Variants in GRM7 observed in about 807,000 individuals in gnomAD.
The protein encoded by GRM7 is glutamate metabotropic receptor 7, also known as metabotropic glutamate receptor 7.
A neutral mutation model predicts 84.5 loss-of-function variants in GRM7; 35 were observed. The ratio of observed to expected loss-of-function variants is 0.41; its 90% CI spans 0.32 to 0.55. GRM7 has a LOEUF of 0.55. Among genes scored for constraint, GRM7 ranks in the 20% least tolerant of loss-of-function variants. The pLI is 0.19. For missense variants in GRM7, 1,003 were observed against 1,194.6 expected (o/e 0.84, Z 2.36); for synonymous variants, 487 against 455.1 (o/e 1.07, Z -0.89).
intron 2 of GRM7, among the ~76,000 whole-genome samples, chr3:7,260,945 T>A (rs1397070226): frequency 1.3e-5 from 2 of 152,204 alleles, no homozygotes; most frequent in African/African-American, 4.8e-5. Context: ...TTCAAAGAAC[T>A]TCTTGATTTA....
In GRM7 at chr3:7,356,241, T is replaced by C. The variant is rs2088615; in HGVS notation, c.1033+49589T>C. On this transcript the variant is annotated intron_variant, in intron 4 of 9. Coordinates refer to ENST00000357716, the MANE Select transcript of GRM7 (RefSeq NM_000844.4). ...GACTTCTCTGAGTGGGCAAAAGATG[T>C]GAAGGTATTTGCGTCCACATGAATG... is the stretch of plus-strand genomic sequence containing the variant. Among the ~76,000 whole-genome samples, 222 of 152,058 alleles carry C rather than the reference T, an allele frequency of 1.5e-3. 3 individuals are homozygous for C. In the East Asian group the frequency reaches 0.036, roughly 25 times the overall value.
intron 2 of GRM7, among the ~76,000 whole-genome samples, chr3:7,208,287 A>C (rs1159385899): frequency 1.4e-5 from 2 of 147,912 alleles, no homozygotes; most frequent in East Asian, 1.9e-4. Flanking sequence ...CACTGACCTC[A>C]ATGTCTTCCT....
In GRM7 at chr3:6,862,660, C is replaced by G. The variant is rs1574937816; in HGVS notation, c.519+753C>G. 4.1e-6 allele frequency: 1 copy of G among 242,240 alleles called. No individual in the cohort carries two copies. The highest frequency in any genetic ancestry group is 5.7e-5 in the Admixed American group (1 of 17,448). The allele number at this position is 242,240 out of a possible 1,614,324, so 15.0% of individuals were successfully genotyped here. On this transcript the variant is annotated intron_variant, in intron 1 of 9. Coordinates refer to ENST00000357716, the MANE Select transcript of GRM7 (RefSeq NM_000844.4). This position sits in a 1 kb window ranked among gnomAD's most constrained non-coding sequence, Gnocchi z 5.2. ...GATCAGCTTTCCACTCCTGCCACTT[C>G]AGACCTCAGCCCAGGGATGAGCTCA...
At chr3:6,878,512 G>C (rs1695396163) in intron 1 of GRM7, among the ~76,000 whole-genome samples, 1 of 149,576 alleles carries the variant, frequency 6.7e-6, no homozygotes, top group African/African-American at 2.5e-5. Flanking sequence ...TGGGACTGCA[G>C]CATGCACTAG....
intron 4 of GRM7, among the ~76,000 whole-genome samples, chr3:7,334,272 A>G (rs770311081): frequency 2.0e-5 from 3 of 152,262 alleles, no homozygotes; most frequent in Non-Finnish European, 4.4e-5. Flanking sequence ...AAACCCTCCA[A>G]GCAGGAAGGG....
chr3:7,558,140 C>G (rs1693856197), intron 7 of GRM7, among the ~76,000 whole-genome samples: 1 of 152,038 alleles, frequency 6.6e-6, no homozygotes, highest in South Asian at 2.1e-4. Flanking sequence ...CAATGTATCT[C>G]TTGAAATCTT....
chr3:7,692,442 A>C (rs1295563469), intron 9 of GRM7, among the ~76,000 whole-genome samples: 1 of 152,134 alleles, frequency 6.6e-6, no homozygotes, highest in Non-Finnish European at 1.5e-5. Flanking sequence ...CAATTAACAA[A>C]ACTTCTCAGA....
chr3:7,267,043 C>G (rs1698668231), intron 2 of GRM7, among the ~76,000 whole-genome samples: 1 of 152,120 alleles, frequency 6.6e-6, no homozygotes, highest in African/African-American at 2.4e-5. Context: ...CTATCTGGTG[C>G]TTTTGTATGT....
intron 3 of GRM7, among the ~76,000 whole-genome samples, chr3:7,301,679 G>T (rs1700006623): frequency 6.6e-6 from 1 of 151,318 alleles, no homozygotes; most frequent in Admixed American, 6.6e-5. Flanking sequence ...TTGTTTGTGT[G>T]TTAAACATTA....
chr3:7,207,686 G>A (rs1696284803), intron 2 of GRM7, among the ~76,000 whole-genome samples: 1 of 152,150 alleles, frequency 6.6e-6, no homozygotes, highest in African/African-American at 2.4e-5. Context: ...TCTCTCCTGG[G>A]CTTCAGCTTA....
At chr3:7,088,145 T>C (rs1698528438) in intron 1 of GRM7, among the ~76,000 whole-genome samples, 1 of 150,740 alleles carries the variant, frequency 6.6e-6, no homozygotes, top group Admixed American at 6.6e-5. Flanking sequence ...ATAGGAGTTG[T>C]TAACTAATGC....
chr3:7,403,310 A>C, intron 4 of GRM7: 1 of 182,984 alleles, frequency 5.5e-6, no homozygotes, highest in Non-Finnish European at 1.2e-5. Context: ...TTCCTAAAAA[A>C]ACTTGCTTAG....
intron 1 of GRM7, among the ~76,000 whole-genome samples, chr3:7,032,431 G>A (rs1389770927): frequency 6.6e-6 from 1 of 152,196 alleles, no homozygotes; most frequent in Non-Finnish European, 1.5e-5. Context: ...GCACTTAGGA[G>A]TGTAGAACCT....
intron 1 of GRM7, among the ~76,000 whole-genome samples, chr3:6,958,071 G>A (rs1693136908): frequency 6.8e-6 from 1 of 147,858 alleles, no homozygotes; most frequent in South Asian, 2.2e-4. Context: ...TTCATTATGT[G>A]TATATATGTG....
In GRM7 at chr3:7,188,557, C is replaced by G. The variant is rs1467664926; in HGVS notation, c.736+41889C>G. ...ATCTAGAAATTTACAAAAAATGTTG[C>G]CTGATCCCTGCAGGTGAAAGATGTA... On this transcript the variant is annotated intron_variant, in intron 2 of 9. Transcript: ENST00000357716. The surrounding 1 kb of genome is among the most constrained non-coding windows in gnomAD (Gnocchi z 4.2). 6.6e-6 allele frequency among the ~76,000 whole-genome samples: 1 copy of G among 152,010 alleles called. No individual in the cohort carries two copies. The highest frequency in any genetic ancestry group is 6.6e-5 in the Admixed American group (1 of 15,252).
chr3:7,332,120 C>A (rs1385882123), intron 4 of GRM7, among the ~76,000 whole-genome samples: 1 of 152,138 alleles, frequency 6.6e-6, no homozygotes, highest in Non-Finnish European at 1.5e-5. Context: ...ATAACAGTGA[C>A]ACCACACCTG....
intron 1 of GRM7, among the ~76,000 whole-genome samples, chr3:6,910,386 T>C (rs1575002860): frequency 6.6e-6 from 1 of 152,222 alleles, no homozygotes; most frequent in South Asian, 2.1e-4. Context: ...CACCTTCAAG[T>C]AGTCAATCAG....
chr3:7,307,406 GC>G (rs1471025816), intron 4 of GRM7, among the ~76,000 whole-genome samples: 1 of 152,166 alleles, frequency 6.6e-6, no homozygotes, highest in Non-Finnish European at 1.5e-5. Context: ...TTTCTGATGG[GC>G]CATGTCTCCA....
chr3:7,486,715 A>G lies in GRM7; in HGVS notation c.1515+24993A>G, dbSNP rs1209268103. 3.3e-5 allele frequency among the ~76,000 whole-genome samples: 5 copies of G among 152,196 alleles called. No individual in the cohort carries two copies. Among genetic ancestry groups the G allele is most frequent in the African/African-American group, 1.2e-4 (5 of 41,462 alleles). On this transcript the variant is annotated intron_variant, in intron 7 of 9. Transcript: ENST00000357716. This position sits in a 1 kb window ranked among gnomAD's most constrained non-coding sequence, Gnocchi z 5.5. ...CAGCCACCAGAATGATGAGACAAAT[A>G]AGGCTGTTTTTTAAAATAATTTATG...
Sources: gnomAD v4.1 joint callset for allele counts (sites outside exome capture counted in the v4.1 genomes callset) on GRCh38, gnomAD v4.1.1 for gene constraint, Gnocchi (gnomAD v3.1) non-coding constraint, MANE v1.5 for transcripts, NCBI Gene and HGNC (gene_info 2026-07-23, HGNC 2026-07-21) for gene names.